Variants in FAP observed in about 807,000 individuals in gnomAD.
FAP encodes the protein prolyl endopeptidase FAP.
Under a neutral mutation model 126.5 loss-of-function variants are expected in FAP, and 110 were observed. The ratio of observed to expected loss-of-function variants is 0.87; its 90% CI spans 0.74 to 1.02. The LOEUF (loss-of-function observed/expected upper bound fraction) is 1.02, where lower values mean the gene tolerates loss of function less well. Among genes scored for constraint, FAP ranks in the 50% least tolerant of loss-of-function variants. FAP has a pLI of 0.00. For synonymous variants in FAP, 334 were observed against 297.3 expected, an observed-to-expected ratio of 1.12 and a Z score of -1.27; for missense variants, 919 against 909.2, an observed-to-expected ratio of 1.01 and a Z score of -0.14.
intron 2 of FAP, among the ~76,000 whole-genome samples, chr2:162,238,524 T>A (rs979631496): frequency 1.3e-5 from 2 of 151,594 alleles, no homozygotes; most frequent in African/African-American, 4.8e-5. Context: ...TAGAGAACTA[T>A]AAACTGCAAA....
intron 8 of FAP, 42 bp from the exon 9 acceptor site, chr2:162,218,182 A>G: frequency 7.5e-7 from 1 of 1,334,312 alleles, no homozygotes; most frequent in Non-Finnish European, 1.0e-6. Context: ...ATTACATCTT[A>G]CTCTTAAAAT....
At chr2:162,183,518 A>G (rs774395116) in intron 20 of FAP, 50 bp from the exon 21 acceptor site, 1 of 1,018,076 alleles carries the variant, frequency 9.8e-7, no homozygotes, top group South Asian at 1.4e-5. Flanking sequence ...TACACATGAC[A>G]TTTACTTCAT....
At position 162,206,882 on chromosome 2, in the gene FAP, T is replaced by G. The variant is rs549137394; in HGVS notation, c.1047+3070A>C. 3.3e-5 allele frequency among the ~76,000 whole-genome samples: 5 copies of G among 152,324 alleles called. No homozygotes were observed. The South Asian group carries it at 8.3e-4, about 25-fold the overall frequency. ...TATTTTCTAGTTCTGTGCCTGCAAC[T>G]AACAGATCATTTACTTTTAGCAAGT... On this transcript the variant is annotated intron_variant, in intron 12 of 25. Coordinates refer to ENST00000188790, the MANE Select transcript of FAP (RefSeq NM_004460.5).
chr2:162,183,277 C>T (rs1038172479), intron 21 of FAP, 137 bp downstream of exon 21: 1 of 749,180 alleles, frequency 1.3e-6, no homozygotes, highest in African/African-American at 1.8e-5. Context: ...CCCAGATTAT[C>T]CAAACTGACT....
chr2:162,226,958 G>A (rs1434547336), intron 2 of FAP, among the ~76,000 whole-genome samples: 1 of 152,122 alleles, frequency 6.6e-6, no homozygotes, highest in Admixed American at 6.6e-5. Context: ...TTTCCAGAAG[G>A]AAGATGAGAT....
chr2:162,173,165 G>T lies in FAP; in HGVS notation c.2091C>A (p.Ile697=). ...EYFRNVDYLL[I]HGTADDNVHF... ...AAACCTCACCATCTGCTGTTCCGTGGATGAGAAGATAGTCTACATTTCTGA... is the reference window on the plus strand; with the variant it reads ...AAACCTCACCATCTGCTGTTCCGTGTATGAGAAGATAGTCTACATTTCTGA... The change falls in exon 24 of 26, where the codon ATC becomes ATA. Residue 697 remains isoleucine (I), a synonymous_variant. Coordinates refer to ENST00000188790, the MANE Select transcript of FAP (RefSeq NM_004460.5). The T allele has an allele frequency of 9.3e-6, 15 of 1,612,862 alleles. No homozygotes were observed. The highest frequency in any genetic ancestry group is 1.3e-5 in the Non-Finnish European group (15 of 1,179,004).
chr2:162,207,152 A>G (rs1042228769), intron 12 of FAP, among the ~76,000 whole-genome samples: 50 of 152,300 alleles, frequency 3.3e-4, no homozygotes, highest in Non-Finnish European at 1.0e-4. Flanking sequence ...ATTATAGGTC[A>G]AAGGAAGCTA....
chr2:162,223,267 C>A (rs918564652), intron 6 of FAP, among the ~76,000 whole-genome samples: 1 of 152,128 alleles, frequency 6.6e-6, no homozygotes, highest in African/African-American at 2.4e-5. Flanking sequence ...AATAGCCACT[C>A]TCCTAAAAAT....
chr2:162,225,988 C>A (rs1689630524), intron 3 of FAP, among the ~76,000 whole-genome samples: 1 of 151,984 alleles, frequency 6.6e-6, no homozygotes, highest in South Asian at 2.1e-4. Flanking sequence ...TTAAAATATT[C>A]CATTTTGTTC....
At chr2:162,185,218 T>C (rs889581486) in intron 20 of FAP, among the ~76,000 whole-genome samples, 12 of 152,206 alleles carry the variant, frequency 7.9e-5, no homozygotes, top group African/African-American at 2.9e-4. Flanking sequence ...TTGAACTTTA[T>C]AACTTTTCTC....
At chr2:162,236,734 A>C (rs1690150961) in intron 2 of FAP, among the ~76,000 whole-genome samples, 1 of 152,078 alleles carries the variant, frequency 6.6e-6, no homozygotes. Flanking sequence ...CAGCCTCCTG[A>C]GTAGCAGAGG....
At chr2:162,189,199 T>C in intron 18 of FAP, 27 bp from the exon 19 acceptor site, 1 of 1,471,448 alleles carries the variant, frequency 6.8e-7, no homozygotes, top group Non-Finnish European at 9.4e-7. Flanking sequence ...AGGAGAAAAA[T>C]CTTCATTCCA....
chr2:162,210,579 G>C (rs1688890938), intron 11 of FAP, among the ~76,000 whole-genome samples: 1 of 152,122 alleles, frequency 6.6e-6, no homozygotes, highest in Non-Finnish European at 1.5e-5. Context: ...GTGACTACAG[G>C]AAAGAGTTAG....
intron 16 of FAP, among the ~76,000 whole-genome samples, chr2:162,195,394 T>A (rs1369898030): frequency 6.6e-6 from 1 of 151,924 alleles, no homozygotes; most frequent in Non-Finnish European, 1.5e-5. Flanking sequence ...TAGAGACCCC[T>A]AGATAGCTTG....
chr2:162,204,593 A>G (rs1272187600), intron 12 of FAP, among the ~76,000 whole-genome samples: 1 of 152,202 alleles, frequency 6.6e-6, no homozygotes, highest in African/African-American at 2.4e-5. Context: ...AACAATGCTC[A>G]GGGATTTCTA....
chr2:162,242,910 C>G lies in FAP; in HGVS notation c.89G>C (p.Arg30Thr), dbSNP rs1690409505. 6.2e-7 allele frequency: 1 copy of G among 1,612,222 alleles called. No individual in the cohort carries two copies. The change falls in exon 2 of 26, where the codon AGA becomes ACA. Residue 30 changes from arginine (R) to threonine (T), a missense_variant and splice_region_variant. By Grantham distance (71) the Arg-to-Thr change is moderately conservative. Coordinates refer to ENST00000188790, the MANE Select transcript of FAP (RefSeq NM_004460.5). ...LVMCIVLRPS[R>T]VHNSEENTMR... Reference sequence around the variant, plus strand: ...AGCAAATCAGAGAAAGTTCTTACCTCTTGAAGGGCGTAAGACAATGCACAT... The same window carrying G: ...AGCAAATCAGAGAAAGTTCTTACCTGTTGAAGGGCGTAAGACAATGCACAT...
intron 1 of FAP, 40 bp from the exon 2 acceptor site, chr2:162,243,032 T>G: frequency 3.3e-6 from 5 of 1,493,260 alleles, no homozygotes; most frequent in Non-Finnish European, 4.6e-6. Flanking sequence ...ACACAGTTCC[T>G]GCTAAATAGT....
intron 2 of FAP, among the ~76,000 whole-genome samples, chr2:162,229,341 A>T (rs1027041666): frequency 2.6e-5 from 4 of 152,164 alleles, no homozygotes; most frequent in Non-Finnish European, 5.9e-5. Flanking sequence ...AATGTTTTAG[A>T]TCAATGTTTC....
rs777389182 is a variant in FAP, at chr2:162,171,037, T to A, written c.2225A>T (p.Asn742Ile). 9 of 1,613,290 alleles carry A rather than the reference T, an allele frequency of 5.6e-6. No homozygotes were observed. The highest frequency in any genetic ancestry group is 1.3e-5 in the African/African-American group (1 of 74,974). ...GTGGGTCATGTGGGTGTATAAGTGG[T>A]TCGTGGACAGGCCGGATAAGCCGTG... ...QNHGLSGLSTNHLYTHMTHFL... is the reference protein window; with the variant it reads ...QNHGLSGLSTIHLYTHMTHFL... The change falls in exon 26 of 26, where the codon AAC (asparagine) becomes ATC (isoleucine). Residue 742 changes from asparagine to isoleucine, a missense_variant. Physicochemically the swap from Asn to Ile is moderately radical, Grantham distance 149. Coordinates refer to ENST00000188790, the MANE Select transcript of FAP (RefSeq NM_004460.5).
Sources: gnomAD v4.1 joint callset for allele counts (sites outside exome capture counted in the v4.1 genomes callset) on GRCh38, gnomAD v4.1.1 for gene constraint, MANE v1.5 for transcripts, NCBI Gene and HGNC (gene_info 2026-07-23, HGNC 2026-07-21) for gene names.